The following AHCYL2 variants were observed in gnomAD, a reference collection of about 807,000 sequenced individuals.
AHCYL2 encodes the protein S-adenosylhomocysteine hydrolase-like protein 2.
Under a neutral mutation model 81.4 loss-of-function variants are expected in AHCYL2, and 28 were observed. The observed-to-expected ratio is 0.34, with a 90% confidence interval of 0.25 to 0.47. The LOEUF is 0.47. AHCYL2 is among the 20% of genes least tolerant of loss of function. AHCYL2 has a pLI of 1.00. For missense variants in AHCYL2, 551 were observed against 785.1 expected (o/e 0.70, Z 3.56); for synonymous variants, 272 against 290.2 (o/e 0.94, Z 0.64).
intron 1 of AHCYL2, among the ~76,000 whole-genome samples, chr7:129,311,664 C>T (rs1171332572): frequency 6.6e-6 from 1 of 151,208 alleles, no homozygotes; most frequent in Non-Finnish European, 1.5e-5. Flanking sequence ...ATCCTTTTGG[C>T]TCTACTTTCA....
At chr7:129,226,943 G>A (rs1231007933) in intron 1 of AHCYL2, among the ~76,000 whole-genome samples, 2 of 152,100 alleles carry the variant, frequency 1.3e-5, no homozygotes, top group African/African-American at 2.4e-5. Flanking sequence ...ATTTTCTTGT[G>A]ATAAAGACTG....
chr7:129,359,253 A>G (rs930925431), intron 1 of AHCYL2, among the ~76,000 whole-genome samples: 1 of 152,226 alleles, frequency 6.6e-6, no homozygotes, highest in Non-Finnish European at 1.5e-5. Flanking sequence ...GACACCTTAA[A>G]TATTTTATGA....
At chr7:129,298,186 G>T (rs568347456) in intron 1 of AHCYL2, among the ~76,000 whole-genome samples, 78 of 152,306 alleles carry the variant, frequency 5.1e-4, no homozygotes, top group African/African-American at 1.6e-3. Context: ...TTTTCTAATG[G>T]CAAGAGAGGA....
chr7:129,230,303 C>T (rs377731724), intron 1 of AHCYL2, among the ~76,000 whole-genome samples: 6 of 151,716 alleles, frequency 4.0e-5, no homozygotes, highest in East Asian at 1.9e-4. Context: ...AGGGTGGTCT[C>T]GATCTTCTGA....
chr7:129,315,226 T>C (rs1797791234), intron 1 of AHCYL2, among the ~76,000 whole-genome samples: 1 of 152,200 alleles, frequency 6.6e-6, no homozygotes, highest in Non-Finnish European at 1.5e-5. Flanking sequence ...AAAATATTGA[T>C]CATGTAATCT....
At chr7:129,387,931 C>T (rs900997886) in intron 2 of AHCYL2, among the ~76,000 whole-genome samples, 1 of 152,182 alleles carries the variant, frequency 6.6e-6, no homozygotes, top group African/African-American at 2.4e-5. Context: ...GTTTGTAGTG[C>T]CATGCCTGAT....
chr7:129,235,768 CAT>C (rs1373366206), intron 1 of AHCYL2, among the ~76,000 whole-genome samples: 13 of 152,166 alleles, frequency 8.5e-5, no homozygotes, highest in Admixed American at 5.9e-4. Context: ...TTCAGTAGCA[CAT>C]CTTAGAGCTC....
chr7:129,314,038 T>G lies in AHCYL2; in HGVS notation c.364-65600T>G, dbSNP rs73722944. ...AGATCAAGTATCTGGTTAGATAAAT[T>G]ATGCCCATGGACTTCAAAGACCCAG... On this transcript the variant is annotated intron_variant, in intron 1 of 16. Transcript: ENST00000325006. Among the ~76,000 whole-genome samples the G allele has an allele frequency of 3.4e-3, 517 of 152,324 alleles. 1 individual carries two copies. Among genetic ancestry groups the G allele is most frequent in the African/African-American group, 0.012 (500 of 41,578 alleles).
rs544990600 is a variant in AHCYL2 at position 129,269,359 on chromosome 7, C to T, written c.363+43920C>T. ...GGAGTGCAGTGGCACAATTTCAGCT[C>T]ACTGCAACCTCCGCCTCCTGGGTTC... On this transcript the variant is annotated intron_variant, in intron 1 of 16. Transcript: ENST00000325006. Among the ~76,000 whole-genome samples the T allele has an allele frequency of 9.2e-5, 14 of 151,970 alleles. No homozygotes were observed. The South Asian group carries it at 2.7e-3, about 29-fold the overall frequency.
chr7:129,298,864 A>G (rs866790795), intron 1 of AHCYL2, among the ~76,000 whole-genome samples: 1 of 152,224 alleles, frequency 6.6e-6, no homozygotes, highest in African/African-American at 2.4e-5. Context: ...ACTGAATTAT[A>G]CAATAAAATA....
At chr7:129,267,233 G>GTGTGTGTGTGTATT (rs371788777) in intron 1 of AHCYL2, among the ~76,000 whole-genome samples, 1 of 103,396 alleles carries the variant, frequency 9.7e-6, no homozygotes, top group African/African-American at 3.0e-5. Flanking sequence ...CTCAAGGGGT[G>GTGTGTGTGTGTATT]TGTGTGTGTG....
intron 10 of AHCYL2, among the ~76,000 whole-genome samples, chr7:129,408,634 C>T (rs1796413776): frequency 6.6e-6 from 1 of 152,154 alleles, no homozygotes; most frequent in Non-Finnish European, 1.5e-5. Context: ...GGCTATGAAG[C>T]TTCAGAGAGA....
intron 1 of AHCYL2, among the ~76,000 whole-genome samples, chr7:129,378,655 A>T (rs977912717): frequency 1.3e-5 from 2 of 152,236 alleles, no homozygotes; most frequent in Admixed American, 6.5e-5. Context: ...AAGGCTTTTT[A>T]AAAATTATTA....
At chr7:129,324,664 T>C (rs1261942024) in intron 1 of AHCYL2, among the ~76,000 whole-genome samples, 1 of 151,930 alleles carries the variant, frequency 6.6e-6, no homozygotes, top group Non-Finnish European at 1.5e-5. Flanking sequence ...TACAGGCGCC[T>C]GCCACCACGC....
At chr7:129,354,363 A>T (rs988401250) in intron 1 of AHCYL2, among the ~76,000 whole-genome samples, 2 of 152,220 alleles carry the variant, frequency 1.3e-5, no homozygotes, top group Admixed American at 6.5e-5. Context: ...TTTCTGTAAA[A>T]TAAGAGTAGA....
At chr7:129,256,542 A>AT (rs1795429546) in intron 1 of AHCYL2, among the ~76,000 whole-genome samples, 1 of 58,458 alleles carries the variant, frequency 1.7e-5, no homozygotes. Flanking sequence ...CCCGCCCCCC[A>AT]CCCCCCACCC....
intron 4 of AHCYL2, 83 bp downstream of exon 4, chr7:129,389,817 C>G: frequency 8.9e-7 from 1 of 1,127,186 alleles, no homozygotes; most frequent in Non-Finnish European, 1.3e-6. Flanking sequence ...TGCCAAGCAC[C>G]GAGTTAAGAG....
intron 1 of AHCYL2, among the ~76,000 whole-genome samples, chr7:129,238,215 C>A (rs181441318): frequency 6.6e-6 from 1 of 152,288 alleles, no homozygotes. Flanking sequence ...ATTGGATATA[C>A]AGCTCAACTG....
intron 1 of AHCYL2, among the ~76,000 whole-genome samples, chr7:129,296,987 C>T (rs1376310231): frequency 1.3e-5 from 2 of 152,112 alleles, no homozygotes; most frequent in Non-Finnish European, 2.9e-5. Context: ...TTAGAGTTTT[C>T]GGAAGCTTAA....
Sources: gnomAD v4.1 joint callset for allele counts (sites outside exome capture counted in the v4.1 genomes callset) on GRCh38, gnomAD v4.1.1 for gene constraint, MANE v1.5 for transcripts, NCBI Gene and HGNC (gene_info 2026-07-23, HGNC 2026-07-21) for gene names.